EPB41L4B: variants seen among roughly 807,000 people sequenced by gnomAD.
EPB41L4B encodes erythrocyte membrane protein band 4.1 like 4B.
In EPB41L4B, 30 loss-of-function variants were observed where a neutral mutation model predicts 112.5. The ratio of observed to expected loss-of-function variants is 0.27; its 90% CI spans 0.20 to 0.36. The LOEUF is 0.36. EPB41L4B is among the 10% of genes least tolerant of loss of function. The pLI is 1.00. For missense variants in EPB41L4B, 1,024 were observed against 1,133.3 expected (o/e 0.90, Z 1.38); for synonymous variants, 408 against 439.7 (o/e 0.93, Z 0.90).
Position 109,258,223 on chromosome 9 carries a change from T to A in EPB41L4B, c.706A>T (p.Thr236Ser). The A allele has an allele frequency of 6.2e-7, 1 of 1,614,024 alleles. No individual in the cohort carries two copies. Among genetic ancestry groups the A allele is most frequent in the Middle Eastern group, 1.7e-4 (1 of 6,060 alleles). Residue 236 changes from threonine to serine, a missense_variant, in exon 7 of 26, where the codon ACA becomes TCA. Transcript: ENST00000374566. The part of the protein sequence containing the change: ...VSEFRFIPNQ[T>S]EAMEFDIFQR... ...AAGATATCAAATTCCATTGCTTCTG[T>A]CTGATTTGGAATGAACCGAAACTCA...
intron 23 of EPB41L4B, among the ~76,000 whole-genome samples, chr9:109,183,168 G>A (rs185171044): frequency 6.5e-4 from 99 of 152,308 alleles, no homozygotes; most frequent in South Asian, 1.9e-3. Flanking sequence ...GCCTGAGGTG[G>A]CTTCTGATGA....
intron 15 of EPB41L4B, among the ~76,000 whole-genome samples, chr9:109,218,513 A>G (rs1380253903): frequency 6.6e-6 from 1 of 152,112 alleles, no homozygotes; most frequent in Non-Finnish European, 1.5e-5. Flanking sequence ...CCAACAAACA[A>G]CATTCTACAC....
rs78767881 is a variant in EPB41L4B, at chr9:109,311,143, T to C, written c.306+8998A>G. 3.2e-3 allele frequency among the ~76,000 whole-genome samples: 482 copies of C among 152,286 alleles called. 2 individuals carry two copies. Among genetic ancestry groups the C allele is most frequent in the African/African-American group, 0.011 (458 of 41,558 alleles). On this transcript the variant is annotated intron_variant, in intron 1 of 25. Coordinates refer to ENST00000374566, the MANE Select transcript of EPB41L4B (RefSeq NM_019114.5). ...TGAAGGTTGCAAAACAGTGTGAATG[T>C]ACATCATGCCACTTAACTGCATACA...
chr9:109,197,038 T>C (rs1832666273), intron 20 of EPB41L4B, among the ~76,000 whole-genome samples: 1 of 152,206 alleles, frequency 6.6e-6, no homozygotes, highest in Admixed American at 6.5e-5. Context: ...AATGATGATG[T>C]AAAAAATATT....
chr9:109,287,483 C>G (rs558543725), intron 1 of EPB41L4B, among the ~76,000 whole-genome samples: 1 of 152,170 alleles, frequency 6.6e-6, no homozygotes, highest in Non-Finnish European at 1.5e-5. Context: ...AGGAAATAAG[C>G]TGTATGTGAG....
intron 6 of EPB41L4B, among the ~76,000 whole-genome samples, chr9:109,262,478 T>TGTGTGC (rs1554756275): frequency 2.6e-4 from 39 of 151,744 alleles, no homozygotes; most frequent in African/African-American, 8.9e-4. Flanking sequence ...TGTGTGTGTG[T>TGTGTGC]GCAAACCCCT....
chr9:109,312,535 G>T (rs1186727085), intron 1 of EPB41L4B, among the ~76,000 whole-genome samples: 3 of 152,122 alleles, frequency 2.0e-5, no homozygotes, highest in Non-Finnish European at 4.4e-5. Flanking sequence ...CAGCTGTGCT[G>T]TCAGAGACCT....
At chr9:109,235,876 G>A (rs780522470) in intron 15 of EPB41L4B, among the ~76,000 whole-genome samples, 6 of 152,232 alleles carry the variant, frequency 3.9e-5, no homozygotes, top group Non-Finnish European at 8.8e-5. Flanking sequence ...ATCTGGGGAT[G>A]AGGAAAATGA....
chr9:109,213,212 T>C (rs551778349), intron 17 of EPB41L4B, among the ~76,000 whole-genome samples: 1 of 152,338 alleles, frequency 6.6e-6, no homozygotes, highest in African/African-American at 2.4e-5. Context: ...AAGATAAAAT[T>C]TGACTTTTAT....
At chr9:109,177,078 TA>T (rs1355727244) in intron 24 of EPB41L4B, among the ~76,000 whole-genome samples, 1 of 152,192 alleles carries the variant, frequency 6.6e-6, no homozygotes, top group Admixed American at 6.5e-5. Flanking sequence ...AAAACAAATG[TA>T]TATTTTAAAA....
At chr9:109,184,686 G>A (rs544128874) in intron 23 of EPB41L4B, among the ~76,000 whole-genome samples, 1 of 152,354 alleles carries the variant, frequency 6.6e-6, no homozygotes, top group African/African-American at 2.4e-5. Context: ...CTATCTGTTA[G>A]CACAACCACT....
chr9:109,267,603 A>G (rs1214004975), intron 3 of EPB41L4B, 52 bp from the exon 4 acceptor site: 2 of 1,210,546 alleles, frequency 1.7e-6, no homozygotes, highest in African/African-American at 1.5e-5. Flanking sequence ...AGTTTTGAAG[A>G]TCACAGGATG....
chr9:109,243,917 G>A (rs575755952), intron 14 of EPB41L4B, among the ~76,000 whole-genome samples: 1 of 152,316 alleles, frequency 6.6e-6, no homozygotes, highest in East Asian at 1.9e-4. Flanking sequence ...GGCTCCCTGT[G>A]AAGGGGCTGG....
At chr9:109,191,250 T>C (rs144776716) in intron 22 of EPB41L4B, among the ~76,000 whole-genome samples, 16 of 152,310 alleles carry the variant, frequency 1.1e-4, no homozygotes, top group Admixed American at 5.2e-4. Flanking sequence ...ATGCCCAGGA[T>C]ACCTTCTCCC....
rs200780428 is a variant in EPB41L4B, at chr9:109,242,868, A to C, written c.1409+750T>G. 1.9e-4 allele frequency among the ~76,000 whole-genome samples: 24 copies of C among 126,472 alleles called. No individual in the cohort carries two copies. In the East Asian group the frequency reaches 5.4e-3, roughly 29 times the overall value. The allele number at this position is 126,472 out of a possible 152,430, so 83.0% of individuals were successfully genotyped here. Reference sequence around the variant, plus strand: ...GCCTTAAAAAAAAAAAAAAAAAAACAAAAAACCTGTCAAGCCTAACTATAA... The same window carrying C: ...GCCTTAAAAAAAAAAAAAAAAAAACCAAAAACCTGTCAAGCCTAACTATAA... On this transcript the variant is annotated intron_variant, in intron 15 of 25. Coordinates refer to ENST00000374566, the MANE Select transcript of EPB41L4B (RefSeq NM_019114.5).
intron 2 of EPB41L4B, among the ~76,000 whole-genome samples, chr9:109,278,559 G>A (rs1337237749): frequency 6.6e-6 from 1 of 152,144 alleles, no homozygotes; most frequent in African/African-American, 2.4e-5. Context: ...TATCTGATAA[G>A]TATCTTCCAG....
intron 15 of EPB41L4B, among the ~76,000 whole-genome samples, chr9:109,234,491 G>A (rs545887637): frequency 1.3e-5 from 2 of 152,146 alleles, no homozygotes; most frequent in African/African-American, 4.8e-5. Flanking sequence ...GGAAAACTGG[G>A]GAATAAGAAG....
chr9:109,283,747 G>T (rs1312376724), intron 1 of EPB41L4B, among the ~76,000 whole-genome samples: 1 of 152,048 alleles, frequency 6.6e-6, no homozygotes, highest in Non-Finnish European at 1.5e-5. Context: ...TTGTACAGAT[G>T]CTCCTTATGA....
intron 9 of EPB41L4B, 89 bp from the exon 10 acceptor site, chr9:109,255,932 T>C: frequency 7.3e-7 from 1 of 1,363,240 alleles, no homozygotes; most frequent in Non-Finnish European, 1.0e-6. Flanking sequence ...TTTTAAAGCT[T>C]AGACTAAAAA....
Sources: gnomAD v4.1 joint callset for allele counts (sites outside exome capture counted in the v4.1 genomes callset) on GRCh38, gnomAD v4.1.1 for gene constraint, MANE v1.5 for transcripts, NCBI Gene and HGNC (gene_info 2026-07-23, HGNC 2026-07-21) for gene names.